SDK2: variants seen among roughly 807,000 people sequenced by gnomAD.
SDK2 encodes protein sidekick-2.
Under a neutral mutation model 253.9 loss-of-function variants are expected in SDK2, and 105 were observed. The ratio of observed to expected loss-of-function variants is 0.41; its 90% CI spans 0.35 to 0.49. The LOEUF (loss-of-function observed/expected upper bound fraction) is 0.49, where lower values mean the gene tolerates loss of function less well. Ranked by LOEUF, SDK2 falls within the 20% of genes least tolerant of loss-of-function variation. SDK2 has a pLI of 0.06. For synonymous variants in SDK2, 1,249 were observed against 1,234.9 expected (o/e 1.01, Z -0.24); for missense variants, 2,608 against 3,003.0 (o/e 0.87, Z 3.07).
intron 36 of SDK2, among the ~76,000 whole-genome samples, chr17:73,371,986 A>G (rs1290694852): frequency 6.7e-6 from 1 of 148,978 alleles, no homozygotes; most frequent in African/African-American, 2.5e-5. Context: ...GGTCAGGAAA[A>G]GGCATAAAAA....
chr17:73,489,951 A>G (rs963393079), intron 2 of SDK2, among the ~76,000 whole-genome samples: 1 of 152,230 alleles, frequency 6.6e-6, no homozygotes, highest in Non-Finnish European at 1.5e-5. Flanking sequence ...TAACATCAAA[A>G]GAGGACAAAG....
In SDK2 at chr17:73,425,177, G is replaced by A. The variant is rs1013841946; in HGVS notation, c.1584-1085C>T. On this transcript the variant is annotated intron_variant, in intron 12 of 44. Coordinates refer to ENST00000392650, the MANE Select transcript of SDK2 (RefSeq NM_001144952.2). ...GGAGGTTGCGGGGAGCCGAGATGGT[G>A]CCACTGCACTCCAGCCTGGGCGACA... 3.3e-5 allele frequency among the ~76,000 whole-genome samples: 5 copies of A among 152,052 alleles called. No homozygotes were observed. The South Asian group carries it at 6.2e-4, about 19-fold the overall frequency.
intron 1 of SDK2, among the ~76,000 whole-genome samples, chr17:73,601,743 G>GT (rs59337775): frequency 0.14 from 20,758 of 147,830 alleles, 1,584 homozygotes; most frequent in South Asian, 0.29. Flanking sequence ...CTCCAGAACT[G>GT]TTTTTTTTTT....
intron 1 of SDK2, among the ~76,000 whole-genome samples, chr17:73,515,149 C>T (rs1226731359): frequency 6.6e-6 from 1 of 152,200 alleles, no homozygotes; most frequent in African/African-American, 2.4e-5. Context: ...TAGGAGAAAA[C>T]CAACGCTCAG....
chr17:73,359,778 T>C (rs2062626072), intron 39 of SDK2, among the ~76,000 whole-genome samples: 1 of 152,214 alleles, frequency 6.6e-6, no homozygotes, highest in African/African-American at 2.4e-5. Context: ...CCTGAGTAGC[T>C]GGGACTTCAG....
rs556359342 is a variant in SDK2, at chr17:73,443,993, G to A, written c.614-3070C>T. On this transcript the variant is annotated intron_variant, in intron 5 of 44. Coordinates refer to ENST00000392650, the MANE Select transcript of SDK2 (RefSeq NM_001144952.2). This position sits in a 1 kb window ranked among gnomAD's most constrained non-coding sequence, Gnocchi z 4.6. ...CCCAGAGGAAGTCGAACCAATGCTC[G>A]TGGGGTTAATGAATGAAAGAGCGTG... 3.3e-5 allele frequency among the ~76,000 whole-genome samples: 5 copies of A among 152,276 alleles called. No individual in the cohort carries two copies. The highest frequency in any genetic ancestry group is 1.9e-4 in the East Asian group (1 of 5,174).
At chr17:73,414,452 A>G (rs1054973718) in intron 18 of SDK2, among the ~76,000 whole-genome samples, 192 bp downstream of exon 18, 6 of 152,034 alleles carry the variant, frequency 3.9e-5, no homozygotes, top group Non-Finnish European at 8.8e-5. Context: ...CAGTGTCTGC[A>G]CTTCCTGTGG....
chr17:73,431,733 G>T lies in SDK2; in HGVS notation c.1313-64C>A, dbSNP rs994374536. 19 of 1,481,546 alleles carry T rather than the reference G, an allele frequency of 1.3e-5. No individual in the cohort carries two copies. Among genetic ancestry groups the T allele is most frequent in the Admixed American group, 2.3e-5 (1 of 44,276 alleles). 91.8% of individuals were successfully genotyped at this position (1,481,546 alleles called of 1,614,324 possible). On this transcript the variant is annotated intron_variant, in intron 10 of 44. Transcript: ENST00000392650. This position sits in a 1 kb window ranked among gnomAD's most constrained non-coding sequence, Gnocchi z 5.6. Reference sequence around the variant, plus strand: ...CAAGGGCACACCCTGCCCTTCCCTGGCCGCTCCAGGGCAGCATGGTCCCCC... The same window carrying T: ...CAAGGGCACACCCTGCCCTTCCCTGTCCGCTCCAGGGCAGCATGGTCCCCC...
At chr17:73,594,014 A>C (rs1332478261) in intron 1 of SDK2, among the ~76,000 whole-genome samples, 1 of 152,246 alleles carries the variant, frequency 6.6e-6, no homozygotes, top group East Asian at 1.9e-4. Flanking sequence ...TTGGAGGTTA[A>C]GAAAATGGCC....
chr17:73,503,418 A>G (rs2063905728), intron 2 of SDK2, among the ~76,000 whole-genome samples: 2 of 152,252 alleles, frequency 1.3e-5, no homozygotes, highest in South Asian at 4.1e-4. Flanking sequence ...CATGATGTCT[A>G]CAGCAAATCC....
At position 73,618,043 on chromosome 17, in the gene SDK2, C is replaced by G. The variant is rs1033779706; in HGVS notation, c.64+25982G>C. ...CACCAGGCCAAGGAGCCAGGGAGGT[C>G]CCATGGAGTGTGATGGGCCAGGGAG... On this transcript the variant is annotated intron_variant, in intron 1 of 44. Coordinates refer to ENST00000392650, the MANE Select transcript of SDK2 (RefSeq NM_001144952.2). This position sits in a 1 kb window ranked among gnomAD's most constrained non-coding sequence, Gnocchi z 4.1. Among the ~76,000 whole-genome samples, 2 of 152,120 alleles carry G rather than the reference C, an allele frequency of 1.3e-5. No individual in the cohort carries two copies. Among genetic ancestry groups the G allele is most frequent in the Non-Finnish European group, 2.9e-5 (2 of 68,024 alleles).
chr17:73,469,981 T>TGCGCGCGCGCGCGC (rs10622822), intron 3 of SDK2, among the ~76,000 whole-genome samples: 12 of 129,620 alleles, frequency 9.3e-5, no homozygotes, highest in Admixed American at 3.0e-4. Flanking sequence ...CATTTGCGAC[T>TGCGCGCGCGCGCGC]GCGCGCGCGC....
At position 73,352,446 on chromosome 17, in the gene SDK2, C is replaced by G; in HGVS notation, c.5758+27G>C. The G allele has an allele frequency of 1.3e-6, 2 of 1,596,002 alleles. No homozygotes were observed. The highest frequency in any genetic ancestry group is 1.7e-6 in the Non-Finnish European group (2 of 1,171,906). Reference sequence around the variant, plus strand: ...CCCCAGGCTCTGCTGTGGGGCTCCCCCACTCCCTCAGCCCCCAGGCCGGTA... The same window carrying G: ...CCCCAGGCTCTGCTGTGGGGCTCCCGCACTCCCTCAGCCCCCAGGCCGGTA... On this transcript the variant is annotated intron_variant, in intron 41 of 44. Coordinates refer to ENST00000392650, the MANE Select transcript of SDK2 (RefSeq NM_001144952.2). The surrounding 1 kb of genome is among the most constrained non-coding windows in gnomAD (Gnocchi z 4.1).
intron 2 of SDK2, among the ~76,000 whole-genome samples, chr17:73,492,086 G>GGCC (rs1220116757): frequency 6.6e-6 from 1 of 152,040 alleles, no homozygotes; most frequent in African/African-American, 2.4e-5. Context: ...ACACCATGGT[G>GGCC]GCCCACCATG....
rs148574779 is a variant in SDK2 at position 73,464,035 on chromosome 17, G to C, written c.332-7982C>G. 3.1e-3 allele frequency among the ~76,000 whole-genome samples: 475 copies of C among 152,258 alleles called. 1 individual carries two copies. The highest frequency in any genetic ancestry group is 4.9e-3 in the Non-Finnish European group (330 of 68,030). On this transcript the variant is annotated intron_variant, in intron 3 of 44. Transcript: ENST00000392650. ...TTAGACTGTGGTCTCTGCCAACCTG[G>C]TGGGCACGGAATGGTACTTTGTTGT...
chr17:73,593,445 TC>T (rs1039053779), intron 1 of SDK2, among the ~76,000 whole-genome samples: 32 of 152,014 alleles, frequency 2.1e-4, no homozygotes, highest in Admixed American at 9.2e-4. Context: ...GTGGGGGGCT[TC>T]CCCCAGAGAC....
At chr17:73,563,904 C>T (rs980522954) in intron 1 of SDK2, among the ~76,000 whole-genome samples, 1 of 152,034 alleles carries the variant, frequency 6.6e-6, no homozygotes, top group Non-Finnish European at 1.5e-5. Context: ...TCCCGAGTAG[C>T]ATGTGCCACC....
At chr17:73,630,083 C>T (rs745784524) in intron 1 of SDK2, among the ~76,000 whole-genome samples, 1 of 152,110 alleles carries the variant, frequency 6.6e-6, no homozygotes, top group Non-Finnish European at 1.5e-5. Flanking sequence ...GCAGCCGACT[C>T]GGAGTCCATG....
At position 73,386,512 on chromosome 17, in the gene SDK2, CT is replaced by C; in HGVS notation, c.4430del (p.Lys1477ArgfsTer18). ...KPFTSYKFRV[K>X]ATNDIGDSEF... ...CGCTGTCGCCAATGTCATTGGTCGC[CT>C]TCACTCGGAACTTGTAGGACGTGAA... On this transcript the variant is annotated frameshift_variant, in exon 31 of 45. Coordinates refer to ENST00000392650, the MANE Select transcript of SDK2 (RefSeq NM_001144952.2). LOFTEE classifies it high-confidence loss of function. The C allele has an allele frequency of 6.4e-7, 1 of 1,560,966 alleles. No homozygotes were observed.
Sources: gnomAD v4.1 joint callset for allele counts (sites outside exome capture counted in the v4.1 genomes callset) on GRCh38, gnomAD v4.1.1 for gene constraint, Gnocchi (gnomAD v3.1) non-coding constraint, MANE v1.5 for transcripts, NCBI Gene and HGNC (gene_info 2026-07-23, HGNC 2026-07-21) for gene names.